The following TUBA8 variants were observed in gnomAD, a reference collection of about 807,000 sequenced individuals.
TUBA8 encodes the protein tubulin alpha-8 chain.
In TUBA8, 29 loss-of-function variants were observed where a neutral mutation model predicts 34.7. The observed-to-expected ratio is 0.84, with a 90% CI of 0.62 to 1.14. The LOEUF is 1.14. Among genes scored for constraint, TUBA8 ranks in the 50% most tolerant of loss-of-function variants. The probability of loss-of-function intolerance (pLI) is 0.00; values close to 1 mark genes in which losing one functional copy is unlikely to be tolerated. For missense variants in TUBA8, 541 were observed against 599.2 expected, an observed-to-expected ratio of 0.90 and a Z score of 1.01; for synonymous variants, 226 against 231.2, an observed-to-expected ratio of 0.98 and a Z score of 0.21.
intron 2 of TUBA8, chr22:18,123,854 C>T (rs1928233461): frequency 5.1e-6 from 2 of 393,846 alleles, no homozygotes; most frequent in South Asian, 2.2e-5. Context: ...GGATTACAGG[C>T]GTGAGCCACT....
Position 18,127,026 on chromosome 22 carries a change from G to A in TUBA8, c.1048G>A (p.Gly350Ser). Residue 350 changes from glycine to serine, a missense_variant, in exon 4 of 5, where the codon GGC becomes AGC. Transcript: ENST00000330423. ...CCAGTTTGTAGACTGGTGTCCCACA[G>A]GCTTCAAGGTGAGAGCTGATGACTT... The part of the protein sequence containing the change: ...TIQFVDWCPT[G>S]FKVGINYQPP... 2 of 1,614,148 alleles carry A rather than the reference G, an allele frequency of 1.2e-6. No individual in the cohort carries two copies. The highest frequency in any genetic ancestry group is 1.7e-6 in the Non-Finnish European group (2 of 1,180,034).
chr22:18,112,269 C>T (rs1223310905), intron 1 of TUBA8: 1 of 152,158 alleles, frequency 6.6e-6, no homozygotes, highest in Non-Finnish European at 1.5e-5. Context: ...CAAACATATG[C>T]AAACGGAGAG....
Position 18,126,355 on chromosome 22 carries a change from C to T in TUBA8, c.377C>T (p.Thr126Ile), listed in dbSNP as rs1023231411. 21 of 1,614,156 alleles carry T rather than the reference C, an allele frequency of 1.3e-5. No homozygotes were observed. Among genetic ancestry groups the T allele is most frequent in the Non-Finnish European group, 1.8e-5 (21 of 1,180,028 alleles). ...DLVLDRIRKLTDACSGLQGFL... is the reference protein window; with the variant it reads ...DLVLDRIRKLIDACSGLQGFL... ...CTTCTCATGTCCTGCTCTCCCTAGA[C>T]AGATGCTTGCTCTGGCCTGCAGGGC... The change falls in exon 4 of 5, where the codon ACA becomes ATA. Residue 126 changes from threonine (T) to isoleucine (I), a missense_variant and splice_region_variant. By Grantham distance (89) the Thr-to-Ile change is moderately conservative. Coordinates refer to ENST00000330423, the MANE Select transcript of TUBA8 (RefSeq NM_018943.3). This position sits in a 1 kb window ranked among gnomAD's most constrained non-coding sequence, Gnocchi z 4.0.
At position 18,130,847 on chromosome 22, in the gene TUBA8, G is replaced by T. The variant is rs1928478240; in HGVS notation, c.1061G>T (p.Gly354Val). The T allele has an allele frequency of 6.2e-7, 1 of 1,613,532 alleles. No homozygotes were observed. The highest frequency in any genetic ancestry group is 8.5e-7 in the Non-Finnish European group (1 of 1,179,976). ...VDWCPTGFKV[G>V]INYQPPTVVP... Reference sequence around the variant, plus strand: ...TCCTCTTTCTGTGTCCCTCAGGTGGGCATCAACTACCAGCCCCCGACCGTG... The same window carrying T: ...TCCTCTTTCTGTGTCCCTCAGGTGGTCATCAACTACCAGCCCCCGACCGTG... Residue 354 changes from glycine (G) to valine (V), a missense_variant, in exon 5 of 5, where the codon GGC becomes GTC. Physicochemically the swap from Gly to Val is moderately radical, Grantham distance 109. Transcript: ENST00000330423.
rs1244513972 is a variant in TUBA8, at chr22:18,119,374, A to C, written c.4-2105A>C. On this transcript the variant is annotated intron_variant, in intron 1 of 4. Coordinates refer to ENST00000330423, the MANE Select transcript of TUBA8 (RefSeq NM_018943.3). This position sits in a 1 kb window ranked among gnomAD's most constrained non-coding sequence, Gnocchi z 5.9. Reference sequence around the variant, plus strand: ...CTCTACGTGTGCTACTTCCCGGTGCAGAAAAATGCTACCAGGTAGTACCGT... The same window carrying C: ...CTCTACGTGTGCTACTTCCCGGTGCCGAAAAATGCTACCAGGTAGTACCGT... The C allele has an allele frequency of 2.0e-5, 3 of 152,262 alleles. No homozygotes were observed. The South Asian group carries it at 6.2e-4, about 31-fold the overall frequency. 9.4% of individuals were successfully genotyped at this position (152,262 alleles called of 1,614,324 possible).
chr22:18,124,287 G>C lies in TUBA8; in HGVS notation c.358G>C (p.Asp120His). Residue 120 changes from aspartate (D) to histidine (H), a missense_variant, in exon 3 of 5, where the codon GAC becomes CAC. Physicochemically the swap from Asp to His is moderately conservative, Grantham distance 81. Transcript: ENST00000330423. The surrounding 1 kb of genome is among the most constrained non-coding windows in gnomAD (Gnocchi z 4.3). ...VGKESIDLVL[D>H]RIRKLTDACS... ...CAAGGAGAGCATTGACCTGGTGCTGGACCGCATACGGAAGCTGGTAAGATC... is the reference window on the plus strand; with the variant it reads ...CAAGGAGAGCATTGACCTGGTGCTGCACCGCATACGGAAGCTGGTAAGATC... The C allele has an allele frequency of 6.2e-7, 1 of 1,614,008 alleles. No homozygotes were observed. Among genetic ancestry groups the C allele is most frequent in the Non-Finnish European group, 8.5e-7 (1 of 1,179,970 alleles).
At chr22:18,123,149 A>G (rs1409634546) in intron 2 of TUBA8, 1 of 147,992 alleles carries the variant, frequency 6.8e-6, no homozygotes, top group Admixed American at 6.9e-5. Flanking sequence ...TTGTTGGTAC[A>G]CCTTGCAGCA....
Position 18,130,713 on chromosome 22 carries a change from C to T in TUBA8, c.1057-130C>T, listed in dbSNP as rs555366912. On this transcript the variant is annotated intron_variant, in intron 4 of 4. Coordinates refer to ENST00000330423, the MANE Select transcript of TUBA8 (RefSeq NM_018943.3). Reference sequence around the variant, plus strand: ...CAGTCCCATCCCGCCTGTTGCATCCCATAGCCCCACTCCCACGCCCCTGAC... The same window carrying T: ...CAGTCCCATCCCGCCTGTTGCATCCTATAGCCCCACTCCCACGCCCCTGAC... 84 of 1,211,230 alleles carry T rather than the reference C, an allele frequency of 6.9e-5. 2 individuals are homozygous for T. In the South Asian group the frequency reaches 1.0e-3, roughly 15 times the overall value. 75.0% of individuals were successfully genotyped at this position (1,211,230 alleles called of 1,614,324 possible).
At chr22:18,112,268 G>A (rs993251170) in intron 1 of TUBA8, 3 of 152,156 alleles carry the variant, frequency 2.0e-5, no homozygotes, top group Non-Finnish European at 4.4e-5. Flanking sequence ...TCAAACATAT[G>A]CAAACGGAGA....
chr22:18,110,828 C>T lies in TUBA8; in HGVS notation c.-38C>T. 4 of 1,539,008 alleles carry T rather than the reference C, an allele frequency of 2.6e-6. No homozygotes were observed. The South Asian group carries it at 4.7e-5, about 18-fold the overall frequency. Reference sequence around the variant, plus strand: ...ATCTGGAGCAGTCGGGGCGGGCAGGCCCAGCTGAGAGGTGCGCGGGCGAGG... The same window carrying T: ...ATCTGGAGCAGTCGGGGCGGGCAGGTCCAGCTGAGAGGTGCGCGGGCGAGG... On this transcript the variant is annotated 5_prime_UTR_variant, in exon 1 of 5. Transcript: ENST00000330423. The surrounding 1 kb of genome is among the most constrained non-coding windows in gnomAD (Gnocchi z 6.2).
At position 18,118,945 on chromosome 22, in the gene TUBA8, G is replaced by A. The variant is rs903722897; in HGVS notation, c.4-2534G>A. 2.6e-5 allele frequency: 4 copies of A among 152,168 alleles called. No individual in the cohort carries two copies. The highest frequency in any genetic ancestry group is 2.6e-4 in the Admixed American group (4 of 15,260). 9.4% of individuals were successfully genotyped at this position (152,168 alleles called of 1,614,324 possible). A position where few individuals can be genotyped will look rare whatever the true frequency, so the allele number is the denominator to read the frequency against. On this transcript the variant is annotated intron_variant, in intron 1 of 4. Transcript: ENST00000330423. This position sits in a 1 kb window ranked among gnomAD's most constrained non-coding sequence, Gnocchi z 4.0. ...TTCGATTTTCCCAAAATATCCCTGC[G>A]TCCTCCCTGGAAAGCCCCAGAATGT...
chr22:18,130,741 T>C (rs765052149), intron 4 of TUBA8, 102 bp from the exon 5 acceptor site: 63 of 1,519,892 alleles, frequency 4.1e-5, no homozygotes, highest in Non-Finnish European at 5.6e-5. Context: ...CCCCTGACCA[T>C]GACTTGAAGC....
rs748096290 is a variant in TUBA8 at position 18,126,246 on chromosome 22, T to A, written c.376-108T>A. The A allele has an allele frequency of 1.3e-5, 14 of 1,076,174 alleles. No individual in the cohort carries two copies. Among genetic ancestry groups the A allele is most frequent in the Non-Finnish European group, 1.7e-5 (12 of 705,218 alleles). 66.7% of individuals were successfully genotyped at this position (1,076,174 alleles called of 1,614,324 possible). On this transcript the variant is annotated intron_variant, in intron 3 of 4. Coordinates refer to ENST00000330423, the MANE Select transcript of TUBA8 (RefSeq NM_018943.3). This position sits in a 1 kb window ranked among gnomAD's most constrained non-coding sequence, Gnocchi z 4.0. ...CTTCTTCAAAGCTGTTTTGATTTCA[T>A]CCACAAAAAAATATGAGGCAGACAG...
chr22:18,125,271 T>C (rs1396500200), intron 3 of TUBA8: 2 of 152,006 alleles, frequency 1.3e-5, no homozygotes, highest in Non-Finnish European at 2.9e-5. Context: ...ATCCCAGCAC[T>C]TTGGGAGGCT....
intron 2 of TUBA8, chr22:18,123,105 G>C (rs1396202980): frequency 1.9e-5 from 1 of 53,900 alleles, no homozygotes; most frequent in African/African-American, 1.2e-4. Flanking sequence ...GCGAGACCCC[G>C]TCTCCAAAAA....
In TUBA8 at chr22:18,119,576, A is replaced by T. The variant is rs1928082678; in HGVS notation, c.4-1903A>T. ...TGGGTGAATCCCCTCCCTAGCCACC[A>T]GGCTCACGGAGATCCAGCGGGTTGC... is the stretch of plus-strand genomic sequence containing the variant. On this transcript the variant is annotated intron_variant, in intron 1 of 4. Coordinates refer to ENST00000330423, the MANE Select transcript of TUBA8 (RefSeq NM_018943.3). This position sits in a 1 kb window ranked among gnomAD's most constrained non-coding sequence, Gnocchi z 5.9. 1 of 152,248 alleles carries T rather than the reference A, an allele frequency of 6.6e-6. No individual in the cohort carries two copies. The highest frequency in any genetic ancestry group is 2.1e-4 in the South Asian group (1 of 4,834). The allele number at this position is 152,248 out of a possible 1,614,324, so 9.4% of individuals were successfully genotyped here.
At chr22:18,125,841 C>T (rs775753989) in intron 3 of TUBA8, 8 of 177,936 alleles carry the variant, frequency 4.5e-5, no homozygotes, top group East Asian at 1.5e-4. Flanking sequence ...TACCTAGAGG[C>T]GTGTGCCCCT....
At chr22:18,112,202 AT>A in intron 1 of TUBA8, 1 of 152,300 alleles carries the variant, frequency 6.6e-6, no homozygotes, top group South Asian at 2.1e-4. Context: ...TATAATTCAA[AT>A]TTCCAAGACT....
chr22:18,122,155 T>C lies in TUBA8; in HGVS notation c.226+454T>C, dbSNP rs1427610557. The C allele has an allele frequency of 1.8e-5, 3 of 168,526 alleles. No individual in the cohort carries two copies. The East Asian group carries it at 4.5e-4, about 25-fold the overall frequency. 10.4% of individuals were successfully genotyped at this position (168,526 alleles called of 1,614,324 possible). A position where few individuals can be genotyped will look rare whatever the true frequency, so the allele number is the denominator to read the frequency against. ...TCACAGCCAGGGGCCGCTGGAGTTC[T>C]GGAATGAGGTTCATTCAGGTTTAGG... On this transcript the variant is annotated intron_variant, in intron 2 of 4. Coordinates refer to ENST00000330423, the MANE Select transcript of TUBA8 (RefSeq NM_018943.3).
Sources: gnomAD v4.1 joint callset for allele counts on GRCh38, gnomAD v4.1.1 for gene constraint, Gnocchi (gnomAD v3.1) non-coding constraint, MANE v1.5 for transcripts, NCBI Gene and HGNC (gene_info 2026-07-23, HGNC 2026-07-21) for gene names.